Variants in SLC1A3 observed in about 807,000 individuals in gnomAD.
SLC1A3 encodes the protein excitatory amino acid transporter 1.
In SLC1A3, 21 loss-of-function variants were observed where a neutral mutation model predicts 48.1. The observed-to-expected ratio is 0.44, with a 90% CI of 0.31 to 0.63. SLC1A3 has a LOEUF of 0.63. SLC1A3 is among the 20% of genes least tolerant of loss of function. The pLI, the probability that SLC1A3 is intolerant of heterozygous loss-of-function variation, is 0.08. For missense variants in SLC1A3, 546 were observed against 689.0 expected (o/e 0.79, Z 2.32); for synonymous variants, 239 against 251.4 (o/e 0.95, Z 0.47).
intron 2 of SLC1A3, among the ~76,000 whole-genome samples, chr5:36,610,165 G>C (rs147241824): frequency 1.3e-5 from 2 of 152,100 alleles, no homozygotes; most frequent in Admixed American, 1.3e-4. Flanking sequence ...GTCTAGCACC[G>C]GAGGCCATTC....
chr5:36,654,234 CAG>C (rs1382185158), intron 3 of SLC1A3, among the ~76,000 whole-genome samples: 2 of 152,140 alleles, frequency 1.3e-5, no homozygotes, highest in Admixed American at 6.5e-5. Context: ...TTAGGAAACA[CAG>C]TGAAAATGGT....
rs1270068808 is a variant in SLC1A3, at chr5:36,676,918, C to T, written c.594C>T (p.Ser198=). 2 of 1,613,776 alleles carry T rather than the reference C, an allele frequency of 1.2e-6. No individual in the cohort carries two copies. Among genetic ancestry groups the T allele is most frequent in the Non-Finnish European group, 1.7e-6 (2 of 1,179,784 alleles). The part of the protein sequence containing the change: ...KQFKTNYEKR[S]FKVPIQANET... ...TTAAAACCAACTATGAGAAGAGAAG[C>T]TTTAAAGTGCCCATCCAGGCCAACG... Residue 198 remains serine (S), a synonymous_variant, in exon 6 of 10, where the codon AGC becomes AGT. Transcript: ENST00000265113.
upstream of SLC1A3, among the ~76,000 whole-genome samples, chr5:36,603,282 T>C (rs2731880): frequency 0.52 from 79,154 of 151,978 alleles, 21,218 homozygotes; most frequent in African/African-American, 0.66. Flanking sequence ...CAGCCCCTTC[T>C]CTTAAGTTGC....
At chr5:36,613,086 G>A (rs970355812) in intron 2 of SLC1A3, 3 of 316,576 alleles carry the variant, frequency 9.5e-6, no homozygotes, top group Admixed American at 4.3e-5. Context: ...TGGGGCCTTG[G>A]GGGTGCACGA....
intron 2 of SLC1A3, chr5:36,613,144 C>T (rs1739277170): frequency 1.2e-5 from 3 of 255,510 alleles, no homozygotes; most frequent in South Asian, 4.2e-5. Context: ...GGGATGCCAC[C>T]GAGGTGCATA....
intron 2 of SLC1A3, among the ~76,000 whole-genome samples, chr5:36,610,324 G>A (rs116654937): frequency 6.6e-5 from 10 of 152,238 alleles, no homozygotes; most frequent in East Asian, 3.9e-4. Flanking sequence ...TGATTTACCC[G>A]GTTACCTCAA....
upstream of SLC1A3, among the ~76,000 whole-genome samples, chr5:36,604,693 GA>G (rs377086335): frequency 3.3e-5 from 5 of 150,658 alleles, no homozygotes; most frequent in East Asian, 1.9e-4. Context: ...GATTAGAGAG[GA>G]AAAAAAAAGT....
At chr5:36,665,913 A>G (rs1395319823) in intron 3 of SLC1A3, among the ~76,000 whole-genome samples, 1 of 152,224 alleles carries the variant, frequency 6.6e-6, no homozygotes, top group Non-Finnish European at 1.5e-5. Flanking sequence ...CTAACTTTTA[A>G]TGATTTGTCT....
chr5:36,655,282 A>T (rs1741242700), intron 3 of SLC1A3, among the ~76,000 whole-genome samples: 1 of 152,102 alleles, frequency 6.6e-6, no homozygotes, highest in East Asian at 1.9e-4. Context: ...CTCTCTTTGC[A>T]CTTGCATCTA....
chr5:36,679,906 C>T lies in SLC1A3; in HGVS notation c.1094+46C>T. 2.2e-6 allele frequency: 3 copies of T among 1,378,912 alleles called. No individual in the cohort carries two copies. The South Asian group carries it at 3.5e-5, about 16-fold the overall frequency. 85.4% of individuals were successfully genotyped at this position (1,378,912 alleles called of 1,614,324 possible). On this transcript the variant is annotated intron_variant, in intron 7 of 9. Transcript: ENST00000265113. ...AATGAGTCTGAAATGTTACCTTGAA[C>T]CAGGGCCCCTCAAGTAGGGTGTAGG...
chr5:36,607,689 C>T (rs4020423), intron 1 of SLC1A3, among the ~76,000 whole-genome samples: 50,499 of 151,986 alleles, frequency 0.33, 8,668 homozygotes, highest in South Asian at 0.49. Flanking sequence ...GAGCACTTTG[C>T]TTATTTCATG....
At position 36,680,485 on chromosome 5, in the gene SLC1A3, C is replaced by T; in HGVS notation, c.1185C>T (p.Ala395=). ...CCAGATTCGTGCTCCCCGTAGGAGC[C>T]ACCATTAACATGGATGGGACTGCCC... ...RVTRFVLPVG[A]TINMDGTALY... The change falls in exon 8 of 10, where the codon GCC becomes GCT. Residue 395 remains alanine (A), a synonymous_variant. Transcript: ENST00000265113. The T allele has an allele frequency of 6.2e-7, 1 of 1,614,040 alleles. No individual in the cohort carries two copies. The highest frequency in any genetic ancestry group is 2.2e-5 in the East Asian group (1 of 44,876).
chr5:36,630,779 G>T (rs1740104704), intron 3 of SLC1A3, among the ~76,000 whole-genome samples: 1 of 152,186 alleles, frequency 6.6e-6, no homozygotes, highest in Non-Finnish European at 1.5e-5. Context: ...GATCTCTGCT[G>T]GTTTCCACTT....
intron 8 of SLC1A3, among the ~76,000 whole-genome samples, chr5:36,681,600 A>G (rs1561285810): frequency 6.6e-6 from 1 of 152,106 alleles, no homozygotes; most frequent in African/African-American, 2.4e-5. Flanking sequence ...CCTTCCCCCC[A>G]TCTCTTAGTT....
intron 2 of SLC1A3, among the ~76,000 whole-genome samples, chr5:36,623,391 C>G (rs944496688): frequency 1.3e-5 from 2 of 152,140 alleles, no homozygotes; most frequent in African/African-American, 4.8e-5. Flanking sequence ...TTTTGATTTT[C>G]ATTGCTATTT....
chr5:36,659,275 C>A (rs961072528), intron 3 of SLC1A3, among the ~76,000 whole-genome samples: 2 of 152,078 alleles, frequency 1.3e-5, no homozygotes, highest in African/African-American at 4.8e-5. Flanking sequence ...GCAGAGTGAC[C>A]ATTGTTAGCC....
chr5:36,680,463 G>A lies in SLC1A3; in HGVS notation c.1163G>A (p.Arg388Lys), dbSNP rs1742393225. ...ENNGVDKRVT[R>K]FVLPVGATIN... ...AATGGCGTGGACAAGCGCGTCACCA[G>A]ATTCGTGCTCCCCGTAGGAGCCACC... The change falls in exon 8 of 10, where the codon AGA becomes AAA. Residue 388 changes from arginine to lysine, a missense_variant. Physicochemically the swap from Arg to Lys is conservative, Grantham distance 26. This residue lies in a region of SLC1A3 where 142 missense variants were observed against 238.0 expected (regional missense o/e 0.60). Transcript: ENST00000265113. 6.2e-7 allele frequency: 1 copy of A among 1,614,216 alleles called. No individual in the cohort carries two copies. Among genetic ancestry groups the A allele is most frequent in the Non-Finnish European group, 8.5e-7 (1 of 1,180,042 alleles).
intron 3 of SLC1A3, chr5:36,669,699 T>C (rs1281867637): frequency 6.6e-6 from 1 of 152,164 alleles, no homozygotes; most frequent in African/African-American, 2.4e-5. Context: ...GGTCATGGCT[T>C]CAATTTCCAC....
At chr5:36,616,281 T>G (rs1290741166) in intron 2 of SLC1A3, among the ~76,000 whole-genome samples, 1 of 152,134 alleles carries the variant, frequency 6.6e-6, no homozygotes, top group Non-Finnish European at 1.5e-5. Context: ...TTCACATCAC[T>G]ATGCCCTATC....
Sources: allele counts gnomAD v4.1 joint callset (sites outside exome capture counted in the v4.1 genomes callset), GRCh38; gene constraint gnomAD v4.1.1; regional missense constraint gnomAD v4.1.1; transcripts MANE v1.5; gene names NCBI Gene and HGNC (gene_info 2026-07-23, HGNC 2026-07-21).